Variants in USP15 observed in about 807,000 individuals in gnomAD.
USP15 encodes the protein ubiquitin specific peptidase 15, also known as ubiquitin carboxyl-terminal hydrolase 15.
USP15 carries 18 observed loss-of-function variants against 127.1 expected under a neutral mutation model. That is an observed-to-expected ratio of 0.14 (90% CI 0.10 to 0.21). The LOEUF is 0.21. Among genes scored for constraint, USP15 ranks in the 10% least tolerant of loss-of-function variants. The pLI is 1.00. For missense variants in USP15, 805 were observed against 1,159.9 expected (o/e 0.69, Z 4.44); for synonymous variants, 364 against 393.7 (o/e 0.92, Z 0.89).
At chr12:62,267,024 C>G (rs1301603241) in intron 1 of USP15, 1 of 152,038 alleles carries the variant, frequency 6.6e-6, no homozygotes, top group Non-Finnish European at 1.5e-5. Flanking sequence ...TGTCACTACT[C>G]GAATGTAATT....
In USP15 at chr12:62,341,219, C is replaced by T. The variant is rs550434980; in HGVS notation, c.684-8002C>T. 2.0e-3 allele frequency among the ~76,000 whole-genome samples: 293 copies of T among 149,342 alleles called. 1 individual carries two copies. In the Middle Eastern group the frequency reaches 0.021, roughly 10 times the overall value. ...AACCCCTGCTTTTTTTTTTTCCTTT[C>T]CATTTGCTTGGTAAGTACTCCTCCA... On this transcript the variant is annotated intron_variant, in intron 6 of 21. Transcript: ENST00000280377.
At chr12:62,277,587 A>T (rs949712193) in intron 1 of USP15, 3 of 152,118 alleles carry the variant, frequency 2.0e-5, no homozygotes, top group African/African-American at 2.4e-5. Context: ...GTAGAGAGTG[A>T]ATGTGAAGGC....
chr12:62,343,680 T>G (rs1214868632), intron 6 of USP15, among the ~76,000 whole-genome samples: 1 of 152,156 alleles, frequency 6.6e-6, no homozygotes, highest in African/African-American at 2.4e-5. Flanking sequence ...ACTTCCCTGG[T>G]GAAGCAGTGC....
intron 1 of USP15, among the ~76,000 whole-genome samples, chr12:62,263,830 G>A (rs116773539): frequency 6.4e-4 from 98 of 152,242 alleles, no homozygotes; most frequent in African/African-American, 2.2e-3. Context: ...GAATTGTATC[G>A]CTTAGGATGA....
chr12:62,381,399 A>T (rs1406052718), intron 8 of USP15, 91 bp from the exon 9 acceptor site: 1 of 1,143,158 alleles, frequency 8.7e-7, no homozygotes, highest in Non-Finnish European at 1.2e-6. Flanking sequence ...GTGTTATAGC[A>T]AATCAATTTG....
At chr12:62,384,401 G>A (rs2067081986) in intron 11 of USP15, 99 bp downstream of exon 11, 4 of 896,490 alleles carry the variant, frequency 4.5e-6, no homozygotes, top group African/African-American at 1.8e-5. Flanking sequence ...TAAAAATTAA[G>A]TATTGAATTA....
chr12:62,402,349 C>T (rs547521843), intron 21 of USP15, among the ~76,000 whole-genome samples: 1 of 151,930 alleles, frequency 6.6e-6, no homozygotes, highest in East Asian at 1.9e-4. Flanking sequence ...GATTTATAAA[C>T]CAAAGAAGAT....
chr12:62,279,769 A>G (rs576739994), intron 1 of USP15, among the ~76,000 whole-genome samples: 1 of 152,320 alleles, frequency 6.6e-6, no homozygotes, highest in African/African-American at 2.4e-5. Context: ...TGCATGTATA[A>G]TAAGATAGAG....
intron 3 of USP15, among the ~76,000 whole-genome samples, chr12:62,307,702 C>G (rs986064893): frequency 6.6e-6 from 1 of 152,108 alleles, no homozygotes; most frequent in Non-Finnish European, 1.5e-5. Flanking sequence ...GATGCCATCC[C>G]ACTCCATGTC....
At chr12:62,304,731 G>T (rs573224353) in intron 3 of USP15, 1 of 452,356 alleles carries the variant, frequency 2.2e-6, no homozygotes, top group African/African-American at 2.0e-5. Context: ...AAATACGATG[G>T]AATCAAAATC....
At chr12:62,310,208 C>T (rs1901239) in intron 3 of USP15, among the ~76,000 whole-genome samples, 46,478 of 151,668 alleles carry the variant, frequency 0.31, 7,363 homozygotes, top group African/African-American at 0.38. Flanking sequence ...ATGAGAAAAT[C>T]TGTTACATAT....
intron 2 of USP15, among the ~76,000 whole-genome samples, chr12:62,301,087 A>G (rs1214529054): frequency 6.6e-6 from 1 of 152,194 alleles, no homozygotes; most frequent in Admixed American, 6.5e-5. Flanking sequence ...TAATTCACCA[A>G]AGAAGATATA....
chr12:62,349,893 ACT>A (rs1304508235), intron 7 of USP15, among the ~76,000 whole-genome samples: 5 of 151,796 alleles, frequency 3.3e-5, no homozygotes, highest in African/African-American at 1.2e-4. Flanking sequence ...TCTTGTATTG[ACT>A]CTTAGTGTAT....
intron 6 of USP15, among the ~76,000 whole-genome samples, chr12:62,337,280 T>A (rs1338828167): frequency 1.3e-5 from 2 of 152,136 alleles, no homozygotes; most frequent in Non-Finnish European, 2.9e-5. Context: ...TATTAGTCCA[T>A]TTTCATGCTG....
intron 11 of USP15, among the ~76,000 whole-genome samples, chr12:62,386,752 T>C (rs538416252): frequency 6.6e-6 from 1 of 152,256 alleles, no homozygotes. Flanking sequence ...CATTAAAGAC[T>C]ATTAAGTATA....
chr12:62,288,458 G>A (rs1266707333), intron 1 of USP15, among the ~76,000 whole-genome samples: 1 of 142,132 alleles, frequency 7.0e-6, no homozygotes, highest in South Asian at 2.3e-4. Context: ...AGTTGATTTT[G>A]TATGCTGAAA....
chr12:62,300,333 G>A (rs2064272473), intron 2 of USP15, among the ~76,000 whole-genome samples: 1 of 152,068 alleles, frequency 6.6e-6, no homozygotes, highest in Admixed American at 6.6e-5. Context: ...TATATGGTGT[G>A]CAGTAGTGTT....
At chr12:62,347,756 A>C (rs1592641007) in intron 6 of USP15, among the ~76,000 whole-genome samples, 1 of 152,302 alleles carries the variant, frequency 6.6e-6, no homozygotes, top group South Asian at 2.1e-4. Flanking sequence ...CAGTAAAATA[A>C]AATCTTGTTA....
In USP15 at chr12:62,407,825, T is replaced by A. The variant is rs1430519415; in HGVS notation, c.*3450T>A. On this transcript the variant is annotated 3_prime_UTR_variant, in exon 22 of 22. Coordinates refer to ENST00000280377, the MANE Select transcript of USP15 (RefSeq NM_001252078.2). ...GACATAATCATAGTTCACTGTAACC[T>A]TGAACTCCTGGGTTAAAGTGATCCT... 1 of 152,194 alleles carries A rather than the reference T, an allele frequency of 6.6e-6. No individual in the cohort carries two copies. The allele number at this position is 152,194 out of a possible 1,614,324, so 9.4% of individuals were successfully genotyped here. A position where few individuals can be genotyped will look rare whatever the true frequency, so the allele number is the denominator to read the frequency against.
Sources: gnomAD v4.1 joint callset for allele counts (sites outside exome capture counted in the v4.1 genomes callset) on GRCh38, gnomAD v4.1.1 for gene constraint, MANE v1.5 for transcripts, NCBI Gene and HGNC (gene_info 2026-07-23, HGNC 2026-07-21) for gene names.